APBA1: variants seen among roughly 807,000 people sequenced by gnomAD.
APBA1 encodes amyloid beta precursor protein binding family A member 1.
In APBA1, 55 loss-of-function variants were observed where a neutral mutation model predicts 86.6. The ratio of observed to expected loss-of-function variants is 0.64; its 90% CI spans 0.51 to 0.80. The LOEUF (loss-of-function observed/expected upper bound fraction) is 0.80, where lower values mean the gene tolerates loss of function less well. APBA1 is among the 30% of genes least tolerant of loss of function. APBA1 has a pLI of 0.00. For synonymous variants in APBA1, 511 were observed against 493.9 expected, an observed-to-expected ratio of 1.03 and a Z score of -0.46; for missense variants, 1,090 against 1,183.0, an observed-to-expected ratio of 0.92 and a Z score of 1.15.
At chr9:69,562,282 C>T (rs1364402638) in intron 1 of APBA1, among the ~76,000 whole-genome samples, 1 of 151,722 alleles carries the variant, frequency 6.6e-6, no homozygotes, top group African/African-American at 2.4e-5. Flanking sequence ...ACAGTAAGGC[C>T]AAATCAAACA....
intron 11 of APBA1, among the ~76,000 whole-genome samples, chr9:69,437,343 G>A (rs1834745857): frequency 6.7e-6 from 1 of 150,142 alleles, no homozygotes; most frequent in South Asian, 2.1e-4. Flanking sequence ...AATAGTTTCA[G>A]AAGGAATGCT....
intron 9 of APBA1, among the ~76,000 whole-genome samples, chr9:69,450,098 G>A (rs1202232591): frequency 1.8e-5 from 2 of 113,916 alleles, no homozygotes; most frequent in African/African-American, 7.0e-5. Flanking sequence ...CTTCAGTCCT[G>A]TCCTCAGTGG....
At chr9:69,641,801 A>T (rs1200922203) in intron 1 of APBA1, among the ~76,000 whole-genome samples, 1 of 152,238 alleles carries the variant, frequency 6.6e-6, no homozygotes, top group Non-Finnish European at 1.5e-5. Context: ...AACATAGCAG[A>T]AAAATCTTTG....
chr9:69,642,771 G>A (rs1016917832), intron 1 of APBA1, among the ~76,000 whole-genome samples: 1 of 151,738 alleles, frequency 6.6e-6, no homozygotes, highest in East Asian at 1.9e-4. Context: ...ATATAAGTGG[G>A]CTTCATACAA....
rs913889448 is a variant in APBA1 at position 69,442,509 on chromosome 9, G to A, written c.2182-1394C>T. ...GGTGGGTAACTTTTCCTGCAGGAGA[G>A]AACAGCTACCAGGGAATGAGGAGGG... On this transcript the variant is annotated intron_variant, in intron 10 of 12. Coordinates refer to ENST00000265381, the MANE Select transcript of APBA1 (RefSeq NM_001163.4). Among the ~76,000 whole-genome samples, 2 of 152,194 alleles carry A rather than the reference G, an allele frequency of 1.3e-5. 1 individual carries two copies. The highest frequency in any genetic ancestry group is 4.8e-5 in the African/African-American group (2 of 41,440).
chr9:69,432,687 CA>C lies in APBA1; in HGVS notation c.2302-12del. ...CATGAGGCTGCAGATCTGCCAGAGTCAAAGGCAGAGTTACCCTCATTGCAGA... is the reference window on the plus strand; with the variant it reads ...CATGAGGCTGCAGATCTGCCAGAGTCAAGGCAGAGTTACCCTCATTGCAGA... On this transcript the variant is annotated splice_polypyrimidine_tract_variant and intron_variant, in intron 11 of 12. Transcript: ENST00000265381. 6.4e-7 allele frequency: 1 copy of C among 1,555,040 alleles called. No homozygotes were observed.
At chr9:69,590,030 C>T (rs1564085580) in intron 1 of APBA1, among the ~76,000 whole-genome samples, 1 of 152,196 alleles carries the variant, frequency 6.6e-6, no homozygotes, top group Non-Finnish European at 1.5e-5. Flanking sequence ...CTTCCCAAAA[C>T]TCACCCTTGC....
At chr9:69,476,000 A>G in intron 3 of APBA1, 48 bp downstream of exon 3, 3 of 1,487,738 alleles carry the variant, frequency 2.0e-6, no homozygotes, top group South Asian at 1.1e-5. Flanking sequence ...ACAGTATTAG[A>G]GTAAAGCAAA....
rs552004296 is a variant in APBA1, at chr9:69,434,656, G to A, written c.2302-1980C>T. Among the ~76,000 whole-genome samples, 6 of 149,902 alleles carry A rather than the reference G, an allele frequency of 4.0e-5. No homozygotes were observed. In the South Asian group the frequency reaches 1.1e-3, roughly 26 times the overall value. On this transcript the variant is annotated intron_variant, in intron 11 of 12. Coordinates refer to ENST00000265381, the MANE Select transcript of APBA1 (RefSeq NM_001163.4). ...CAGGAGGTGGAGGTTGCAGTGAGCC[G>A]AGATCGTGCCACTGTACTCCATCTT...
intron 1 of APBA1, among the ~76,000 whole-genome samples, chr9:69,634,673 T>C (rs1262826336): frequency 6.6e-6 from 1 of 151,998 alleles, no homozygotes; most frequent in Admixed American, 6.6e-5. Context: ...TCAAGACATA[T>C]AATAATCAAA....
At chr9:69,454,839 CTT>C (rs10612345) in intron 8 of APBA1, among the ~76,000 whole-genome samples, 8,070 of 152,156 alleles carry the variant, frequency 0.053, 713 homozygotes, top group African/African-American at 0.18. Context: ...AATTTTCACT[CTT>C]TTGGAACTTT....
intron 1 of APBA1, among the ~76,000 whole-genome samples, chr9:69,578,265 C>T (rs940575273): frequency 1.3e-5 from 2 of 152,182 alleles, no homozygotes; most frequent in African/African-American, 4.8e-5. Flanking sequence ...GATCCAACTG[C>T]TAAAGCTGCT....
chr9:69,492,865 C>G (rs1273265663), intron 2 of APBA1, among the ~76,000 whole-genome samples: 1 of 152,068 alleles, frequency 6.6e-6, no homozygotes, highest in African/African-American at 2.4e-5. Flanking sequence ...TCCAACGAAA[C>G]TCGGCAACAG....
At chr9:69,541,980 T>C (rs1836620872) in intron 1 of APBA1, among the ~76,000 whole-genome samples, 1 of 152,104 alleles carries the variant, frequency 6.6e-6, no homozygotes, top group Non-Finnish European at 1.5e-5. Context: ...AGTTAATACC[T>C]TTTTTCTTTT....
Position 69,435,227 on chromosome 9 carries a change from C to CT in APBA1, c.2302-2552dup, listed in dbSNP as rs1834686362. On this transcript the variant is annotated intron_variant, in intron 11 of 12. Transcript: ENST00000265381. ...CATTTGGGTTGGTTCCAAGTCTTTGCTATTGTGAATAGTGCCACAATAAAC... is the reference window on the plus strand; with the variant it reads ...CATTTGGGTTGGTTCCAAGTCTTTGCTTATTGTGAATAGTGCCACAATAAAC... 2.0e-5 allele frequency among the ~76,000 whole-genome samples: 3 copies of CT among 152,098 alleles called. No individual in the cohort carries two copies. In the South Asian group the frequency reaches 6.2e-4, roughly 32 times the overall value.
intron 8 of APBA1, 145 bp downstream of exon 8, chr9:69,456,102 T>A (rs1835091533): frequency 6.5e-6 from 6 of 929,432 alleles, no homozygotes; most frequent in Middle Eastern, 4.6e-4. Context: ...TTACTCAGCC[T>A]TATATCTCTA....
intron 1 of APBA1, among the ~76,000 whole-genome samples, chr9:69,566,302 C>A (rs892890694): frequency 2.6e-5 from 4 of 152,180 alleles, no homozygotes; most frequent in Admixed American, 6.5e-5. Flanking sequence ...TGTCCTGGGT[C>A]TGCAGCCCTT....
chr9:69,627,522 G>GGT (rs77573338), intron 1 of APBA1, among the ~76,000 whole-genome samples: 1 of 151,870 alleles, frequency 6.6e-6, no homozygotes, highest in Non-Finnish European at 1.5e-5. Context: ...CTCCTCTGAT[G>GGT]GTGTGTGTGT....
At chr9:69,434,169 T>C (rs1834654803) in intron 11 of APBA1, among the ~76,000 whole-genome samples, 1 of 152,160 alleles carries the variant, frequency 6.6e-6, no homozygotes, top group Non-Finnish European at 1.5e-5. Flanking sequence ...GCCCCAGGCT[T>C]GGGAGTCAGC....
Sources: gnomAD v4.1 joint callset for allele counts (sites outside exome capture counted in the v4.1 genomes callset) on GRCh38, gnomAD v4.1.1 for gene constraint, MANE v1.5 for transcripts, NCBI Gene and HGNC (gene_info 2026-07-23, HGNC 2026-07-21) for gene names.